TRAPPC2: variants seen among roughly 807,000 people sequenced by gnomAD.
The protein encoded by TRAPPC2 is trafficking protein particle complex subunit 2, also known as sedlin.
A neutral mutation model predicts 10.0 loss-of-function variants in TRAPPC2; 4 were observed. That is an observed-to-expected ratio of 0.40 (90% CI 0.20 to 0.92). TRAPPC2 has a LOEUF of 0.92. Ranked by LOEUF, TRAPPC2 falls within the 40% of genes least tolerant of loss-of-function variation. The pLI, the probability that TRAPPC2 is intolerant of heterozygous loss-of-function variation, is 0.35. For synonymous variants in TRAPPC2, 36 were observed against 37.3 expected, an observed-to-expected ratio of 0.97 and a Z score of 0.12; for missense variants, 52 against 108.7, an observed-to-expected ratio of 0.48 and a Z score of 2.32.
chrX:13,726,163 G>C (rs1225691252), intron 2 of TRAPPC2, among the ~76,000 whole-genome samples: 1 of 112,319 alleles, frequency 8.9e-6, no homozygotes, highest in African/African-American at 3.2e-5. Context: ...GGGGAGAATG[G>C]AACCAAGTTG....
rs1211293274 is a variant in TRAPPC2 at position 13,712,923 on chromosome X, T to C, written c.*1484A>G. On this transcript the variant is annotated 3_prime_UTR_variant, in exon 6 of 6. Transcript: ENST00000380579. ...TATCTACCAAATCTTGACTATGACATTTATTTTTGGGTTGTTACATTAAGA... is the reference window on the plus strand; with the variant it reads ...TATCTACCAAATCTTGACTATGACACTTATTTTTGGGTTGTTACATTAAGA... 1 of 111,868 alleles carries C rather than the reference T, an allele frequency of 8.9e-6. No homozygotes were observed. Among genetic ancestry groups the C allele is most frequent in the African/African-American group, 3.3e-5 (1 of 30,764 alleles). The allele number at this position is 111,868 out of a possible 1,213,427, so 9.2% of individuals were successfully genotyped here. A position where few individuals can be genotyped will look rare whatever the true frequency, so the allele number is the denominator to read the frequency against.
chrX:13,734,130 C>T lies in TRAPPC2; in HGVS notation c.-106G>A. 1 of 511,821 alleles carries T rather than the reference C, an allele frequency of 2.0e-6. No homozygotes were observed. The highest frequency in any genetic ancestry group is 2.7e-5 in the Admixed American group (1 of 37,472). The allele number at this position is 511,821 out of a possible 1,213,427, so 42.2% of individuals were successfully genotyped here. ...CGGAGCGATCTTGCTTCCAAGAGGA[C>T]ATCTGGCAATATCTGGAGACATCTT... On this transcript the variant is annotated 5_prime_UTR_variant, in exon 2 of 6. The change abolishes an upstream ATG in the 5' untranslated region. Coordinates refer to ENST00000380579, the MANE Select transcript of TRAPPC2 (RefSeq NM_001011658.4).
At chrX:13,731,218 G>C (rs1250881669) in intron 2 of TRAPPC2, among the ~76,000 whole-genome samples, 1 of 112,117 alleles carries the variant, frequency 8.9e-6, no homozygotes. Context: ...CATCCGCTAG[G>C]TTAAATGCTA....
In TRAPPC2 at chrX:13,726,447, C is replaced by A. The variant is rs182048346; in HGVS notation, c.-19-6465G>T. 1.2e-3 allele frequency among the ~76,000 whole-genome samples: 136 copies of A among 111,797 alleles called. 2 individuals carry two copies. Among genetic ancestry groups the A allele is most frequent in the Non-Finnish European group, 1.3e-3 (70 of 53,154 alleles). On this transcript the variant is annotated intron_variant, in intron 2 of 5. Transcript: ENST00000380579. Reference sequence around the variant, plus strand: ...TCTACAAGCCAGAAGAGAGTGGGGGCCAATATTCAGCATTCTTAAAAGAAT... The same window carrying A: ...TCTACAAGCCAGAAGAGAGTGGGGGACAATATTCAGCATTCTTAAAAGAAT...
chrX:13,722,470 A>G (rs2046442242), intron 2 of TRAPPC2, among the ~76,000 whole-genome samples: 1 of 111,263 alleles, frequency 9.0e-6, no homozygotes, highest in Admixed American at 9.6e-5. Context: ...GCTTGACTTC[A>G]GCTGCCAATT....
rs2146759357 is a variant in TRAPPC2, at chrX:13,712,471, C to T, written c.*1936G>A. 2 of 112,380 alleles carry T rather than the reference C, an allele frequency of 1.8e-5. 1 individual carries two copies. The highest frequency in any genetic ancestry group is 7.4e-4 in the South Asian group (2 of 2,699). 9.3% of individuals were successfully genotyped at this position (112,380 alleles called of 1,213,427 possible). A position where few individuals can be genotyped will look rare whatever the true frequency, so the allele number is the denominator to read the frequency against. On this transcript the variant is annotated 3_prime_UTR_variant, in exon 6 of 6. Coordinates refer to ENST00000380579, the MANE Select transcript of TRAPPC2 (RefSeq NM_001011658.4). ...GGAACAAAGAGACAATTCCCAGCCC[C>T]CTCTGGTGTATCACCTAAAAGACTG... is the stretch of plus-strand genomic sequence containing the variant.
intron 3 of TRAPPC2, among the ~76,000 whole-genome samples, chrX:13,718,002 T>C (rs1170317813): frequency 8.9e-6 from 1 of 112,235 alleles, no homozygotes; most frequent in Non-Finnish European, 1.9e-5. Flanking sequence ...ACTGGAGTTA[T>C]GCTGCCACAA....
Position 13,714,160 on chromosome X carries a change from AAAAC to A in TRAPPC2, c.*243_*246del. 1 of 196,616 alleles carries A rather than the reference AAAAC, an allele frequency of 5.1e-6. No individual in the cohort carries two copies. The highest frequency in any genetic ancestry group is 7.6e-5 in the Admixed American group (1 of 13,196). 16.2% of individuals were successfully genotyped at this position (196,616 alleles called of 1,213,427 possible). A position where few individuals can be genotyped will look rare whatever the true frequency, so the allele number is the denominator to read the frequency against. On this transcript the variant is annotated 3_prime_UTR_variant, in exon 6 of 6. Coordinates refer to ENST00000380579, the MANE Select transcript of TRAPPC2 (RefSeq NM_001011658.4). ...CTGTATCAGAAAAAAAAAAAAAAAAAAAACATGATTATTGATAATGAACTCTTTA... is the reference window on the plus strand; with the variant it reads ...CTGTATCAGAAAAAAAAAAAAAAAAAATGATTATTGATAATGAACTCTTTA...
chrX:13,716,734 C>G, intron 3 of TRAPPC2, 56 bp from the exon 4 acceptor site: 2 of 1,153,424 alleles, frequency 1.7e-6, no homozygotes, highest in Non-Finnish European at 2.4e-6. Flanking sequence ...ATCGAGAATG[C>G]TGACATTTCA....
At position 13,731,588 on chromosome X, in the gene TRAPPC2, T is replaced by A. The variant is rs143473075; in HGVS notation, c.-20+2456A>T. On this transcript the variant is annotated intron_variant, in intron 2 of 5. Coordinates refer to ENST00000380579, the MANE Select transcript of TRAPPC2 (RefSeq NM_001011658.4). ...ATACAGTCTTGCTAGAATGTTGCCC[T>A]CCATGAGAGCAGATACACCATTCGT... Among the ~76,000 whole-genome samples the A allele has an allele frequency of 7.8e-4, 87 of 111,843 alleles. No individual in the cohort carries two copies. In the East Asian group the frequency reaches 0.019, roughly 24 times the overall value.
chrX:13,726,367 G>A (rs1462286019), intron 2 of TRAPPC2, among the ~76,000 whole-genome samples: 1 of 111,819 alleles, frequency 8.9e-6, no homozygotes, highest in Non-Finnish European at 1.9e-5. Flanking sequence ...GAGAAAGGTC[G>A]GGTTACCCAC....
chrX:13,732,218 G>C (rs1343540317), intron 2 of TRAPPC2, among the ~76,000 whole-genome samples: 1 of 111,527 alleles, frequency 9.0e-6, no homozygotes, highest in African/African-American at 3.3e-5. Flanking sequence ...TATTGTAAAA[G>C]GATCAATAAC....
At chrX:13,716,334 T>C (rs1349061773) in intron 4 of TRAPPC2, 200 bp downstream of exon 4, 1 of 564,833 alleles carries the variant, frequency 1.8e-6, no homozygotes, top group Non-Finnish European at 2.8e-6. Context: ...TTTTTGTGTA[T>C]GAGACTTAGT....
intron 5 of TRAPPC2, 78 bp from the exon 6 acceptor site, chrX:13,714,583 T>C: frequency 5.0e-6 from 3 of 599,532 alleles, no homozygotes; most frequent in Non-Finnish European, 7.5e-6. Context: ...TTTTAAAGTT[T>C]TAAATTAAAA....
chrX:13,715,929 C>T lies in TRAPPC2; in HGVS notation c.324+75G>A, dbSNP rs752607007. The T allele has an allele frequency of 1.3e-5, 14 of 1,106,344 alleles. No homozygotes were observed. The African/African-American group carries it at 2.6e-4, about 20-fold the overall frequency. 91.2% of individuals were successfully genotyped at this position (1,106,344 alleles called of 1,213,427 possible). On this transcript the variant is annotated intron_variant, in intron 5 of 5. Transcript: ENST00000380579. ...GGTAAACTGCAGCCTAAGGGAGTTACTTCAATAGGCCAGTTTCCTGACAAA... is the reference window on the plus strand; with the variant it reads ...GGTAAACTGCAGCCTAAGGGAGTTATTTCAATAGGCCAGTTTCCTGACAAA...
At chrX:13,729,457 C>T (rs1382199597) in intron 2 of TRAPPC2, among the ~76,000 whole-genome samples, 1 of 112,154 alleles carries the variant, frequency 8.9e-6, no homozygotes, top group Non-Finnish European at 1.9e-5. Context: ...CATCTACAAC[C>T]ATCTGATCTT....
chrX:13,724,826 G>A (rs781014348), intron 2 of TRAPPC2, among the ~76,000 whole-genome samples: 9 of 112,544 alleles, frequency 8.0e-5, no homozygotes, highest in East Asian at 2.8e-4. Context: ...GCAAGGGGTC[G>A]GGGGATTTCC....
At chrX:13,729,861 T>C (rs1222439114) in intron 2 of TRAPPC2, among the ~76,000 whole-genome samples, 1 of 111,570 alleles carries the variant, frequency 9.0e-6, no homozygotes. Context: ...TGAGTCAAGA[T>C]TGCACCATTG....
At position 13,714,237 on chromosome X, in the gene TRAPPC2, G is replaced by T. The variant is rs1602705260; in HGVS notation, c.*170C>A. ...AATACCAATTGATCTATTGATACGT[G>T]ACATGAGACAGAATGTACTATTTTT... On this transcript the variant is annotated 3_prime_UTR_variant, in exon 6 of 6. Coordinates refer to ENST00000380579, the MANE Select transcript of TRAPPC2 (RefSeq NM_001011658.4). 3.3e-6 allele frequency: 1 copy of T among 306,503 alleles called. No homozygotes were observed. The highest frequency in any genetic ancestry group is 4.9e-5 in the East Asian group (1 of 20,310). 25.3% of individuals were successfully genotyped at this position (306,503 alleles called of 1,213,427 possible). A position where few individuals can be genotyped will look rare whatever the true frequency, so the allele number is the denominator to read the frequency against.
Sources: gnomAD v4.1 joint callset for allele counts (sites outside exome capture counted in the v4.1 genomes callset) on GRCh38, gnomAD v4.1.1 for gene constraint, MANE v1.5 for transcripts, NCBI Gene and HGNC (gene_info 2026-07-23, HGNC 2026-07-21) for gene names.